The following RAB40C variants were observed in gnomAD, a reference collection of about 807,000 sequenced individuals.
The protein encoded by RAB40C is RAB40C, member RAS oncogene family.
Under a neutral mutation model 28.1 loss-of-function variants are expected in RAB40C, and 8 were observed. That is an observed-to-expected ratio of 0.28 (90% CI 0.17 to 0.51). RAB40C has a LOEUF of 0.51. Among genes scored for constraint, RAB40C ranks in the 20% least tolerant of loss-of-function variants. RAB40C has a pLI of 0.97. For missense variants in RAB40C, 288 were observed against 405.9 expected (o/e 0.71, Z 2.50); for synonymous variants, 201 against 171.7 (o/e 1.17, Z -1.34).
chr16:591,596 C>CTTT (rs1015313465), intron 1 of RAB40C, among the ~76,000 whole-genome samples: 1 of 144,520 alleles, frequency 6.9e-6, no homozygotes, highest in Non-Finnish European at 1.5e-5. Context: ...TCTTTTCTTT[C>CTTT]TTTTTTTTTT....
rs539595079 is a variant in RAB40C at position 610,755 on chromosome 16, G to A, written c.143-6453G>A. On this transcript the variant is annotated intron_variant, in intron 1 of 5. Coordinates refer to ENST00000248139, the MANE Select transcript of RAB40C (RefSeq NM_021168.5). This position sits in a 1 kb window ranked among gnomAD's most constrained non-coding sequence, Gnocchi z 4.6. ...CCTCTACCCCGCCCTGCCCCACCCC[G>A]TCACCTGCTTGCCCTGACCCTGCCT... 1.5e-5 allele frequency among the ~76,000 whole-genome samples: 2 copies of A among 130,994 alleles called. No homozygotes were observed. Among genetic ancestry groups the A allele is most frequent in the Non-Finnish European group, 3.2e-5 (2 of 61,696 alleles). 85.9% of individuals were successfully genotyped at this position (130,994 alleles called of 152,430 possible). A position where few individuals can be genotyped will look rare whatever the true frequency, so the allele number is the denominator to read the frequency against.
At chr16:593,888 G>A (rs1203723319) in intron 1 of RAB40C, among the ~76,000 whole-genome samples, 2 of 152,208 alleles carry the variant, frequency 1.3e-5, no homozygotes, top group Non-Finnish European at 2.9e-5. Flanking sequence ...GTGCCCCTGG[G>A]TGATGGTGGC....
At chr16:599,398 G>A (rs1452346030) in intron 1 of RAB40C, among the ~76,000 whole-genome samples, 2 of 152,234 alleles carry the variant, frequency 1.3e-5, no homozygotes, top group East Asian at 3.8e-4. Flanking sequence ...GGAGCCGCCA[G>A]GTCAGCTGAT....
chr16:602,172 G>A (rs1405552581), intron 1 of RAB40C, among the ~76,000 whole-genome samples: 2 of 151,416 alleles, frequency 1.3e-5, no homozygotes, highest in African/African-American at 4.8e-5. Context: ...TCAATGAAGT[G>A]TATATGCTTG....
chr16:594,248 C>T (rs572868011), intron 1 of RAB40C, among the ~76,000 whole-genome samples: 1 of 152,312 alleles, frequency 6.6e-6, no homozygotes, highest in East Asian at 1.9e-4. Context: ...CCTGGCTTGA[C>T]TTTATTTCTC....
chr16:625,682 G>A (rs1300309470), intron 4 of RAB40C, 173 bp downstream of exon 4: 14 of 842,130 alleles, frequency 1.7e-5, no homozygotes, highest in Admixed American at 4.5e-5. Flanking sequence ...CACGACAGTC[G>A]GGCGTGGAGC....
intron 3 of RAB40C, chr16:623,764 T>G (rs1192407350): frequency 5.8e-6 from 1 of 170,946 alleles, no homozygotes; most frequent in East Asian, 1.9e-4. Flanking sequence ...CTGGGCAACA[T>G]AGCAAGATCC....
intron 3 of RAB40C, among the ~76,000 whole-genome samples, chr16:621,813 A>G (rs561006730): frequency 3.2e-4 from 48 of 152,302 alleles, no homozygotes; most frequent in African/African-American, 1.2e-3. Flanking sequence ...GCCAAGTGCC[A>G]TGTCTGCTTC....
At chr16:598,703 TA>T (rs1199116462) in intron 1 of RAB40C, among the ~76,000 whole-genome samples, 2 of 151,316 alleles carry the variant, frequency 1.3e-5, no homozygotes, top group African/African-American at 4.9e-5. Flanking sequence ...ACTGTTGCAC[TA>T]CGTTCCAGCC....
At chr16:620,766 G>A (rs1014788696) in intron 3 of RAB40C, among the ~76,000 whole-genome samples, 1 of 104,160 alleles carries the variant, frequency 9.6e-6, no homozygotes, top group Admixed American at 1.0e-4. Flanking sequence ...GCCCCCCGCC[G>A]ACGGGCTCCA....
chr16:622,887 T>C (rs1427311343), intron 3 of RAB40C, among the ~76,000 whole-genome samples: 1 of 152,194 alleles, frequency 6.6e-6, no homozygotes, highest in African/African-American at 2.4e-5. Context: ...GCTCTGCCCC[T>C]TGAGACACGC....
intron 1 of RAB40C, among the ~76,000 whole-genome samples, chr16:615,581 C>T (rs1407458661): frequency 1.3e-5 from 2 of 152,190 alleles, no homozygotes; most frequent in Non-Finnish European, 2.9e-5. Flanking sequence ...GATGTCGTGC[C>T]TGCGTTAAGT....
intron 1 of RAB40C, among the ~76,000 whole-genome samples, chr16:601,121 C>T (rs1388877457): frequency 6.6e-6 from 1 of 152,198 alleles, no homozygotes; most frequent in Non-Finnish European, 1.5e-5. Context: ...AATGGGCCTG[C>T]TGCTTGTGTT....
intron 1 of RAB40C, among the ~76,000 whole-genome samples, chr16:600,939 G>A (rs1165701820): frequency 6.6e-6 from 1 of 152,246 alleles, no homozygotes; most frequent in Non-Finnish European, 1.5e-5. Flanking sequence ...TGTGGCAGCT[G>A]CGTGAGGCTC....
intron 1 of RAB40C, among the ~76,000 whole-genome samples, chr16:614,873 T>C (rs2036556368): frequency 6.6e-6 from 1 of 152,174 alleles, no homozygotes; most frequent in Non-Finnish European, 1.5e-5. Context: ...GATGGTGAAC[T>C]GCCAAACTTT....
rs1277063147 is a variant in RAB40C, at chr16:628,514, C to T, written c.*892C>T. Reference sequence around the variant, plus strand: ...CCCTGGGGTCCCCACAGCTGCAGCTCTCCTGTGAGGTTGCACGGCATCAGA... The same window carrying T: ...CCCTGGGGTCCCCACAGCTGCAGCTTTCCTGTGAGGTTGCACGGCATCAGA... On this transcript the variant is annotated 3_prime_UTR_variant, in exon 6 of 6. Coordinates refer to ENST00000248139, the MANE Select transcript of RAB40C (RefSeq NM_021168.5). The T allele has an allele frequency of 1.3e-5, 2 of 152,292 alleles. No homozygotes were observed. Among genetic ancestry groups the T allele is most frequent in the African/African-American group, 2.4e-5 (1 of 41,462 alleles). The allele number at this position is 152,292 out of a possible 1,614,324, so 9.4% of individuals were successfully genotyped here.
In RAB40C at chr16:627,680, G is replaced by A; in HGVS notation, c.*58G>A. On this transcript the variant is annotated 3_prime_UTR_variant, in exon 6 of 6. Transcript: ENST00000248139. The stretch of plus-strand genomic sequence containing the variant: ...AGGAGGGCTCGAGCTGGACACTCCT[G>A]GCTGGACGCCAGGCCAGTGCCGCCT... The A allele has an allele frequency of 2.7e-6, 4 of 1,507,908 alleles. No homozygotes were observed. The highest frequency in any genetic ancestry group is 3.5e-6 in the Non-Finnish European group (4 of 1,127,994). The allele number at this position is 1,507,908 out of a possible 1,614,324, so 93.4% of individuals were successfully genotyped here. A position where few individuals can be genotyped will look rare whatever the true frequency, so the allele number is the denominator to read the frequency against.
chr16:625,483 G>T lies in RAB40C; in HGVS notation c.316G>T (p.Asp106Tyr). 1 of 1,613,472 alleles carries T rather than the reference G, an allele frequency of 6.2e-7. No homozygotes were observed. Among genetic ancestry groups the T allele is most frequent in the South Asian group, 1.1e-5 (1 of 91,044 alleles). ...ITNRWSFDGI[D>Y]RWIKEIDEHA... ...CAACCGCTGGTCCTTTGACGGCATC[G>T]ACCGCTGGATCAAGGAGATCGATGA... The change falls in exon 4 of 6, where the codon GAC (aspartate) becomes TAC (tyrosine). Residue 106 changes from aspartate to tyrosine, a missense_variant. Physicochemically the swap from Asp to Tyr is radical, Grantham distance 160 (BLOSUM62 -3). Around this residue, in one of 3 missense-constraint regions of RAB40C, gnomAD observed 153 missense variants for 262.4 expected, o/e 0.58. Transcript: ENST00000248139.
chr16:600,243 G>C (rs933229415), intron 1 of RAB40C, among the ~76,000 whole-genome samples: 2 of 152,240 alleles, frequency 1.3e-5, no homozygotes, highest in Non-Finnish European at 2.9e-5. Flanking sequence ...GGTCCTGCCT[G>C]CCCTGGAAAC....
Sources: allele counts gnomAD v4.1 joint callset (sites outside exome capture counted in the v4.1 genomes callset), GRCh38; gene constraint gnomAD v4.1.1; regional missense constraint gnomAD v4.1.1; non-coding constraint Gnocchi (gnomAD v3.1); transcripts MANE v1.5; gene names NCBI Gene and HGNC (gene_info 2026-07-23, HGNC 2026-07-21).